Variants in TEAD4 observed in about 807,000 individuals in gnomAD.
TEAD4 encodes the protein transcriptional enhancer factor TEF-3.
In TEAD4, 36 loss-of-function variants were observed where a neutral mutation model predicts 52.4. The ratio of observed to expected loss-of-function variants is 0.69; its 90% CI spans 0.53 to 0.91. TEAD4 has a LOEUF of 0.91. TEAD4 is among the 40% of genes least tolerant of loss of function. The pLI, the probability that TEAD4 is intolerant of heterozygous loss-of-function variation, is 0.00. For synonymous variants in TEAD4, 220 were observed against 231.0 expected (o/e 0.95, Z 0.43); for missense variants, 508 against 583.9 (o/e 0.87, Z 1.34).
chr12:2,966,916 AG>A (rs2098220897), intron 2 of TEAD4, among the ~76,000 whole-genome samples: 1 of 152,156 alleles, frequency 6.6e-6, no homozygotes, highest in South Asian at 2.1e-4. Flanking sequence ...CATGCTGGCC[AG>A]GCTGGTCTTG....
At chr12:3,015,368 C>T (rs1049510838) in intron 5 of TEAD4, among the ~76,000 whole-genome samples, 4 of 152,214 alleles carry the variant, frequency 2.6e-5, no homozygotes, top group African/African-American at 9.6e-5. Flanking sequence ...CCTACAAGTC[C>T]TGTCAGTCTC....
At chr12:2,976,397 C>T (rs1316796060) in intron 2 of TEAD4, among the ~76,000 whole-genome samples, 1 of 151,700 alleles carries the variant, frequency 6.6e-6, no homozygotes, top group Non-Finnish European at 1.5e-5. Flanking sequence ...GGCACTGAGG[C>T]CCAGAGAGGG....
At chr12:3,026,496 C>T (rs73044535) in intron 10 of TEAD4, among the ~76,000 whole-genome samples, 20,062 of 152,200 alleles carry the variant, frequency 0.13, 1,439 homozygotes, top group Non-Finnish European at 0.14. Context: ...TACTCAGGGT[C>T]ATGACTGCTG....
rs745524783 is a variant in TEAD4, at chr12:2,959,964, G to C, written c.-106G>C. The C allele has an allele frequency of 1.3e-5, 2 of 152,246 alleles. No individual in the cohort carries two copies. The highest frequency in any genetic ancestry group is 2.9e-5 in the Non-Finnish European group (2 of 68,056). 9.4% of individuals were successfully genotyped at this position (152,246 alleles called of 1,614,324 possible). A position where few individuals can be genotyped will look rare whatever the true frequency, so the allele number is the denominator to read the frequency against. On this transcript the variant is annotated 5_prime_UTR_variant, in exon 2 of 13. Transcript: ENST00000359864. This position sits in a 1 kb window ranked among gnomAD's most constrained non-coding sequence, Gnocchi z 5.1. ...TCCCCGCAGAACGATCGCCGCGGCCGGAAGAGTTGGCGCTCGGGGCGGACT... is the reference window on the plus strand; with the variant it reads ...TCCCCGCAGAACGATCGCCGCGGCCCGAAGAGTTGGCGCTCGGGGCGGACT...
At chr12:2,985,687 G>A (rs897672695) in intron 2 of TEAD4, among the ~76,000 whole-genome samples, 2 of 151,388 alleles carry the variant, frequency 1.3e-5, no homozygotes, top group Non-Finnish European at 2.9e-5. Context: ...TGTATTTTTA[G>A]TAGAGACGGG....
intron 10 of TEAD4, among the ~76,000 whole-genome samples, chr12:3,032,195 CTCTT>C (rs1338145865): frequency 6.6e-6 from 1 of 152,236 alleles, no homozygotes; most frequent in Admixed American, 6.5e-5. Context: ...CCTGTGTCCT[CTCTT>C]TCTTTCTGAC....
intron 10 of TEAD4, among the ~76,000 whole-genome samples, chr12:3,024,200 G>T (rs537725623): frequency 6.6e-6 from 1 of 151,600 alleles, no homozygotes; most frequent in African/African-American, 2.4e-5. Flanking sequence ...TCAGCCTCCC[G>T]AGTAGCTGGG....
At chr12:3,007,110 G>C (rs7953711) in intron 3 of TEAD4, among the ~76,000 whole-genome samples, 37,234 of 152,162 alleles carry the variant, frequency 0.24, 7,310 homozygotes, top group African/African-American at 0.54. Flanking sequence ...GCCTCTCGCC[G>C]GGGGCTGAGA....
intron 8 of TEAD4, among the ~76,000 whole-genome samples, 153 bp from the exon 9 acceptor site, chr12:3,020,481 C>T (rs1469174824): frequency 6.6e-6 from 1 of 152,220 alleles, no homozygotes; most frequent in Non-Finnish European, 1.5e-5. Flanking sequence ...CTGGCACTCC[C>T]TCCACCACCT....
At chr12:2,977,317 C>A (rs977049372) in intron 2 of TEAD4, among the ~76,000 whole-genome samples, 1 of 152,188 alleles carries the variant, frequency 6.6e-6, no homozygotes, top group Non-Finnish European at 1.5e-5. Context: ...TCTCCCCTTC[C>A]TGCTCTCTCT....
At chr12:2,998,858 C>A (rs1233562461) in intron 3 of TEAD4, among the ~76,000 whole-genome samples, 1 of 152,160 alleles carries the variant, frequency 6.6e-6, no homozygotes, top group Admixed American at 6.5e-5. Context: ...GTGGGTCAGG[C>A]CCTGGGCAGG....
At chr12:2,960,526 T>C (rs1287275524) in intron 2 of TEAD4, among the ~76,000 whole-genome samples, 3 of 152,126 alleles carry the variant, frequency 2.0e-5, no homozygotes, top group African/African-American at 7.2e-5. Flanking sequence ...CCCGTTGTGC[T>C]GAGGCACTTG....
rs745692211 is a variant in TEAD4 at position 3,040,486 on chromosome 12, G to A, written c.*8G>A. On this transcript the variant is annotated 3_prime_UTR_variant, in exon 13 of 13. Transcript: ENST00000359864. The stretch of plus-strand genomic sequence containing the variant: ...AGGCTGGTGAAAGAATGAGAGACTC[G>A]GGGAGCAGGGAGGGGGGAAGAGACG... 2.5e-6 allele frequency: 4 copies of A among 1,613,152 alleles called. No homozygotes were observed. The highest frequency in any genetic ancestry group is 1.1e-5 in the South Asian group (1 of 91,028).
chr12:3,033,520 G>A (rs1161277649), intron 10 of TEAD4, among the ~76,000 whole-genome samples: 1 of 152,208 alleles, frequency 6.6e-6, no homozygotes, highest in African/African-American at 2.4e-5. Context: ...CACCGTGGAG[G>A]CAGCAGAGTA....
chr12:2,970,839 G>T (rs2098224409), intron 2 of TEAD4, among the ~76,000 whole-genome samples: 1 of 152,228 alleles, frequency 6.6e-6, no homozygotes, highest in Non-Finnish European at 1.5e-5. Context: ...CCTCGGAAAT[G>T]CTCCGTCGTA....
chr12:3,015,445 T>C (rs534633903), intron 5 of TEAD4, among the ~76,000 whole-genome samples: 6 of 152,294 alleles, frequency 3.9e-5, no homozygotes, highest in Non-Finnish European at 8.8e-5. Context: ...ATGGGTGAAA[T>C]GGTCACCTTG....
intron 6 of TEAD4, among the ~76,000 whole-genome samples, 159 bp from the exon 7 acceptor site, chr12:3,018,386 G>C (rs1047431649): frequency 7.2e-5 from 11 of 152,112 alleles, no homozygotes; most frequent in African/African-American, 2.7e-4. Flanking sequence ...CACTCTGGGG[G>C]TGCTGCTGTG....
intron 3 of TEAD4, among the ~76,000 whole-genome samples, chr12:3,007,066 C>A (rs2098256531): frequency 6.6e-6 from 1 of 152,084 alleles, no homozygotes; most frequent in Non-Finnish European, 1.5e-5. Context: ...TGCCTTAGAC[C>A]CCTTGGTGTG....
chr12:2,996,372 G>A (rs1443047966), intron 3 of TEAD4, among the ~76,000 whole-genome samples: 1 of 151,776 alleles, frequency 6.6e-6, no homozygotes, highest in Non-Finnish European at 1.5e-5. Context: ...TTCTTGCTCT[G>A]ATGGTTGCTT....
Sources: gnomAD v4.1 joint callset for allele counts (sites outside exome capture counted in the v4.1 genomes callset) on GRCh38, gnomAD v4.1.1 for gene constraint, Gnocchi (gnomAD v3.1) non-coding constraint, MANE v1.5 for transcripts, NCBI Gene and HGNC (gene_info 2026-07-23, HGNC 2026-07-21) for gene names.